Variants in OPCML observed in about 807,000 individuals in gnomAD.
The protein encoded by OPCML is opioid binding protein/cell adhesion molecule like, also known as opioid-binding protein/cell adhesion molecule.
A neutral mutation model predicts 37.8 loss-of-function variants in OPCML; 13 were observed. The observed-to-expected ratio is 0.34, with a 90% CI of 0.22 to 0.55. OPCML has a LOEUF of 0.55. Ranked by LOEUF, OPCML falls within the 20% of genes least tolerant of loss-of-function variation. The probability of loss-of-function intolerance (pLI) is 0.91; values close to 1 mark genes in which losing one functional copy is unlikely to be tolerated. For missense variants in OPCML, 341 were observed against 435.6 expected (o/e 0.78, Z 1.93); for synonymous variants, 176 against 168.8 (o/e 1.04, Z -0.33).
chr11:133,213,076 A>G (rs1369315703), intron 1 of OPCML, among the ~76,000 whole-genome samples: 3 of 152,212 alleles, frequency 2.0e-5, no homozygotes, highest in Non-Finnish European at 4.4e-5. Flanking sequence ...GCTATGATGT[A>G]GAGCAACACC....
At chr11:133,046,384 A>C (rs1040841781) in intron 1 of OPCML, among the ~76,000 whole-genome samples, 12 of 152,180 alleles carry the variant, frequency 7.9e-5, no homozygotes, top group African/African-American at 2.9e-4. Context: ...TCCGCTAAAG[A>C]ACATCGTATC....
chr11:133,357,470 A>G (rs1236077258), intron 1 of OPCML, among the ~76,000 whole-genome samples: 4 of 152,238 alleles, frequency 2.6e-5, no homozygotes, highest in Non-Finnish European at 5.9e-5. Context: ...TATCTGCAGC[A>G]GTTCTTGGCA....
chr11:132,648,523 T>TC (rs931702077), intron 3 of OPCML, among the ~76,000 whole-genome samples: 9 of 144,146 alleles, frequency 6.2e-5, no homozygotes, highest in East Asian at 4.0e-4. Flanking sequence ...CTCTCTGTCT[T>TC]TTTTTTTTTT....
At chr11:132,929,855 C>G (rs1945139181) in intron 2 of OPCML, among the ~76,000 whole-genome samples, 1 of 152,194 alleles carries the variant, frequency 6.6e-6, no homozygotes, top group Non-Finnish European at 1.5e-5. Flanking sequence ...ATGTAACACC[C>G]TTTAATAATA....
intron 1 of OPCML, among the ~76,000 whole-genome samples, chr11:133,191,482 CT>C (rs1361116851): frequency 2.7e-5 from 4 of 147,586 alleles, no homozygotes; most frequent in African/African-American, 1.0e-4. Flanking sequence ...ATTTCTGTAT[CT>C]TTTTCTTTTC....
Position 133,044,012 on chromosome 11 carries a change from T to A in OPCML, c.62-101002A>T, listed in dbSNP as rs76065670. 6.5e-3 allele frequency among the ~76,000 whole-genome samples: 997 copies of A among 152,352 alleles called. 7 individuals are homozygous for A. The highest frequency in any genetic ancestry group is 0.023 in the African/African-American group (941 of 41,584). On this transcript the variant is annotated intron_variant, in intron 1 of 7. Transcript: ENST00000524381. ...ACTAGGCTTACCATCTTGTGGCAGATGCTGACATATGGCCAGATCCTTAGT... is the reference window on the plus strand; with the variant it reads ...ACTAGGCTTACCATCTTGTGGCAGAAGCTGACATATGGCCAGATCCTTAGT...
intron 1 of OPCML, among the ~76,000 whole-genome samples, chr11:132,984,253 C>G (rs1319331389): frequency 6.6e-6 from 1 of 152,142 alleles, no homozygotes; most frequent in Admixed American, 6.5e-5. Context: ...GTATTGAACA[C>G]TTATTATTTT....
intron 1 of OPCML, among the ~76,000 whole-genome samples, chr11:133,234,298 A>G (rs1439781920): frequency 2.0e-5 from 3 of 152,246 alleles, no homozygotes; most frequent in Admixed American, 2.0e-4. Context: ...CTTTCCATGA[A>G]TAACCAAACC....
intron 4 of OPCML, among the ~76,000 whole-genome samples, chr11:132,517,799 A>G (rs1282030202): frequency 6.6e-6 from 1 of 152,222 alleles, no homozygotes; most frequent in East Asian, 1.9e-4. Flanking sequence ...ATTATAATGT[A>G]GAAAGTATTC....
At chr11:132,703,991 C>T (rs903708085) in intron 2 of OPCML, among the ~76,000 whole-genome samples, 24 of 152,104 alleles carry the variant, frequency 1.6e-4, no homozygotes, top group Non-Finnish European at 2.4e-4. Flanking sequence ...TGACTTGGAA[C>T]CTGGATTTGC....
At chr11:132,496,554 G>T (rs1321827044) in intron 4 of OPCML, among the ~76,000 whole-genome samples, 1 of 152,224 alleles carries the variant, frequency 6.6e-6, no homozygotes, top group African/African-American at 2.4e-5. Flanking sequence ...TCTGGGCTTG[G>T]TCAGTCATGC....
At chr11:132,784,587 C>G (rs977028657) in intron 2 of OPCML, among the ~76,000 whole-genome samples, 3 of 151,846 alleles carry the variant, frequency 2.0e-5, no homozygotes, top group Non-Finnish European at 4.4e-5. Context: ...AATGCTTTGT[C>G]CCCCCCACCC....
intron 1 of OPCML, among the ~76,000 whole-genome samples, chr11:133,335,178 CT>C (rs1346618996): frequency 6.6e-6 from 1 of 152,192 alleles, no homozygotes; most frequent in Non-Finnish European, 1.5e-5. Flanking sequence ...AGAACCTCAG[CT>C]TTAATCCTTA....
chr11:132,498,308 C>T lies in OPCML; in HGVS notation c.505+30753G>A, dbSNP rs373401666. 8.5e-5 allele frequency among the ~76,000 whole-genome samples: 13 copies of T among 152,272 alleles called. No individual in the cohort carries two copies. The East Asian group carries it at 1.7e-3, about 20-fold the overall frequency. ...AAGTCCTACACATCAAGAACAAAGG[C>T]CATTGGTCATCTGTTTTTTCTTGTG... On this transcript the variant is annotated intron_variant, in intron 4 of 7. Coordinates refer to ENST00000524381, the MANE Select transcript of OPCML (RefSeq NM_001012393.5).
At chr11:132,722,619 A>G (rs987219755) in intron 2 of OPCML, among the ~76,000 whole-genome samples, 4 of 152,108 alleles carry the variant, frequency 2.6e-5, no homozygotes, top group African/African-American at 9.7e-5. Flanking sequence ...AGATTATTGG[A>G]ACATCATCGT....
intron 4 of OPCML, among the ~76,000 whole-genome samples, chr11:132,524,904 A>G (rs1321872560): frequency 1.3e-5 from 2 of 152,186 alleles, no homozygotes; most frequent in Admixed American, 6.5e-5. Context: ...ATATACCTGA[A>G]AAGCAAAGTT....
chr11:133,082,748 C>T (rs1370557137), intron 1 of OPCML, among the ~76,000 whole-genome samples: 1 of 146,292 alleles, frequency 6.8e-6, no homozygotes, highest in Non-Finnish European at 1.5e-5. Context: ...CGGCCCGTCC[C>T]GCCGCTGCGG....
In OPCML at chr11:133,413,483, A is replaced by AT. The variant is rs1461544106; in HGVS notation, c.61+118780_61+118781insA. On this transcript the variant is annotated intron_variant, in intron 1 of 7. Coordinates refer to ENST00000524381, the MANE Select transcript of OPCML (RefSeq NM_001012393.5). ...CCCTAAAACTTAAAGTATAATAATA[A>AT]AAAATAAATAAATAAATAAATATAT... 1.1e-3 allele frequency among the ~76,000 whole-genome samples: 158 copies of AT among 144,786 alleles called. 3 individuals carry two copies. In the East Asian group the frequency reaches 0.013, roughly 12 times the overall value. 95.0% of individuals were successfully genotyped at this position (144,786 alleles called of 152,430 possible).
At chr11:132,669,518 T>C (rs1354321826) in intron 2 of OPCML, among the ~76,000 whole-genome samples, 1 of 152,184 alleles carries the variant, frequency 6.6e-6, no homozygotes, top group Non-Finnish European at 1.5e-5. Flanking sequence ...TTAGGAAAGA[T>C]GAGTAACCAC....
Sources: allele counts gnomAD v4.1 joint callset (sites outside exome capture counted in the v4.1 genomes callset), GRCh38; gene constraint gnomAD v4.1.1; transcripts MANE v1.5; gene names NCBI Gene and HGNC (gene_info 2026-07-23, HGNC 2026-07-21).